Variants in EYS observed in about 807,000 individuals in gnomAD.
The protein encoded by EYS is EGF-like photoreceptor maintenance factor.
A neutral mutation model predicts 282.1 loss-of-function variants in EYS; 250 were observed. The ratio of observed to expected loss-of-function variants is 0.89; its 90% CI spans 0.80 to 0.98. The LOEUF (loss-of-function observed/expected upper bound fraction) is 0.98, where lower values mean the gene tolerates loss of function less well. Ranked by LOEUF, EYS falls within the 50% of genes least tolerant of loss-of-function variation. The probability of loss-of-function intolerance (pLI) is 0.00; values close to 1 mark genes in which losing one functional copy is unlikely to be tolerated. For missense variants in EYS, 4,016 were observed against 3,709.0 expected (o/e 1.08, Z -2.15); for synonymous variants, 1,355 against 1,282.9 (o/e 1.06, Z -1.20).
intron 11 of EYS, among the ~76,000 whole-genome samples, chr6:65,320,567 T>C (rs1175987033): frequency 6.6e-6 from 1 of 152,176 alleles, no homozygotes; most frequent in Non-Finnish European, 1.5e-5. Context: ...CTTGAACGTA[T>C]TCAAGTGGCA....
At chr6:63,778,655 GA>G (rs1296888398) in intron 39 of EYS, among the ~76,000 whole-genome samples, 1 of 151,962 alleles carries the variant, frequency 6.6e-6, no homozygotes, top group African/African-American at 2.4e-5. Context: ...AAATTGTAAT[GA>G]ATATCTTATG....
chr6:64,383,665 T>C (rs1772820728), intron 29 of EYS, among the ~76,000 whole-genome samples: 1 of 152,252 alleles, frequency 6.6e-6, no homozygotes, highest in African/African-American at 2.4e-5. Context: ...TAAATGGCTA[T>C]TTAAGAGACT....
At chr6:64,919,752 C>T (rs931243167) in intron 15 of EYS, among the ~76,000 whole-genome samples, 1 of 152,016 alleles carries the variant, frequency 6.6e-6, no homozygotes, top group African/African-American at 2.4e-5. Context: ...TGTAAAAAGA[C>T]AACTGGTCAA....
intron 21 of EYS, among the ~76,000 whole-genome samples, chr6:64,819,411 TAAA>T (rs554409299): frequency 4.6e-5 from 7 of 151,964 alleles, no homozygotes; most frequent in Admixed American, 4.6e-4. Flanking sequence ...GCAAATGAAA[TAAA>T]AAGTAAAGAA....
chr6:64,394,291 CA>C (rs1381096766), intron 28 of EYS, among the ~76,000 whole-genome samples: 1 of 152,072 alleles, frequency 6.6e-6, no homozygotes, highest in Non-Finnish European at 1.5e-5. Flanking sequence ...CTTTAAAATT[CA>C]TATGGAACCA....
chr6:64,998,209 T>A (rs1384034349), intron 13 of EYS, among the ~76,000 whole-genome samples: 1 of 152,198 alleles, frequency 6.6e-6, no homozygotes, highest in African/African-American at 2.4e-5. Flanking sequence ...TCACGTTTCA[T>A]CAAAATCTTT....
At chr6:64,683,702 G>A (rs1208148011) in intron 22 of EYS, among the ~76,000 whole-genome samples, 1 of 152,132 alleles carries the variant, frequency 6.6e-6, no homozygotes, top group Non-Finnish European at 1.5e-5. Context: ...AAAAAGCTCA[G>A]CAAATCCAAA....
intron 14 of EYS, among the ~76,000 whole-genome samples, chr6:64,950,197 C>A (rs1329814866): frequency 6.6e-6 from 1 of 151,742 alleles, no homozygotes; most frequent in Non-Finnish European, 1.5e-5. Context: ...AAAATGTATT[C>A]AAGATGAAAT....
At chr6:64,526,404 C>CA (rs1285831538) in intron 26 of EYS, among the ~76,000 whole-genome samples, 9 of 151,356 alleles carry the variant, frequency 5.9e-5, no homozygotes, top group African/African-American at 2.2e-4. Context: ...ACAATTATCT[C>CA]AAAGTAAAAA....
At chr6:64,755,912 A>G (rs1468045999) in intron 22 of EYS, among the ~76,000 whole-genome samples, 5 of 152,220 alleles carry the variant, frequency 3.3e-5, no homozygotes, top group African/African-American at 1.2e-4. Flanking sequence ...AGATAAATTT[A>G]TAGTTCATTT....
Position 64,603,180 on chromosome 6 carries a change from GA to G in EYS, c.3685-9872del, listed in dbSNP as rs1389169740. Reference sequence around the variant, plus strand: ...ATTTTAAACCAGGAAAGATTTATAGGAAAAAAAGTGCTTACAGGACAAAATA... The same window carrying G: ...ATTTTAAACCAGGAAAGATTTATAGGAAAAAAGTGCTTACAGGACAAAATA... On this transcript the variant is annotated intron_variant, in intron 24 of 42. Coordinates refer to ENST00000503581, the MANE Select transcript of EYS (RefSeq NM_001142800.2). Among the ~76,000 whole-genome samples the G allele has an allele frequency of 2.0e-5, 3 of 151,886 alleles. No homozygotes were observed. The East Asian group carries it at 5.8e-4, about 29-fold the overall frequency.
At chr6:64,502,021 C>T (rs1777062331) in intron 26 of EYS, among the ~76,000 whole-genome samples, 1 of 152,170 alleles carries the variant, frequency 6.6e-6, no homozygotes, top group African/African-American at 2.4e-5. Flanking sequence ...ACACCGATCT[C>T]ATAGGGCTGT....
Position 65,135,427 on chromosome 6 carries a change from T to G in EYS, c.2024-77700A>C, listed in dbSNP as rs117599974. 4.5e-4 allele frequency among the ~76,000 whole-genome samples: 68 copies of G among 152,164 alleles called. No individual in the cohort carries two copies. The East Asian group carries it at 0.012, about 28-fold the overall frequency. ...TGCAAAAACTTGTTAGTAATTGAGA[T>G]AGAAGACCTGTAGTTTAAATGTTGT... On this transcript the variant is annotated intron_variant, in intron 12 of 42. Transcript: ENST00000503581.
chr6:63,908,947 A>G (rs893123994), intron 35 of EYS, among the ~76,000 whole-genome samples: 1 of 151,898 alleles, frequency 6.6e-6, no homozygotes, highest in African/African-American at 2.4e-5. Context: ...TTTCAGGGGA[A>G]TGGTGGGATC....
chr6:63,974,326 A>C (rs1283768665), intron 35 of EYS, among the ~76,000 whole-genome samples: 1 of 152,090 alleles, frequency 6.6e-6, no homozygotes, highest in African/African-American at 2.4e-5. Flanking sequence ...ACTAAAAAAA[A>C]CCATTAATAA....
At chr6:64,566,079 T>C (rs573438906) in intron 26 of EYS, among the ~76,000 whole-genome samples, 1 of 152,176 alleles carries the variant, frequency 6.6e-6, no homozygotes, top group Admixed American at 6.5e-5. Flanking sequence ...CTTTCTATAT[T>C]ATTTCAAAAA....
intron 2 of EYS, among the ~76,000 whole-genome samples, chr6:65,630,792 A>C (rs564159361): frequency 1.3e-5 from 2 of 152,342 alleles, no homozygotes; most frequent in South Asian, 4.1e-4. Context: ...ATAGTAAAAC[A>C]AGTCCTCCAA....
chr6:64,559,577 A>G (rs1485319044), intron 26 of EYS, among the ~76,000 whole-genome samples: 1 of 152,060 alleles, frequency 6.6e-6, no homozygotes, highest in Non-Finnish European at 1.5e-5. Context: ...ATATTTCCCT[A>G]AAGTTTTCCT....
intron 36 of EYS, among the ~76,000 whole-genome samples, chr6:63,837,761 A>G (rs1771845985): frequency 6.6e-6 from 1 of 152,124 alleles, no homozygotes; most frequent in African/African-American, 2.4e-5. Context: ...AATATTTATG[A>G]CTGGCTTGTG....
Sources: gnomAD v4.1 joint callset for allele counts (sites outside exome capture counted in the v4.1 genomes callset) on GRCh38, gnomAD v4.1.1 for gene constraint, MANE v1.5 for transcripts, NCBI Gene and HGNC (gene_info 2026-07-23, HGNC 2026-07-21) for gene names.